The following TTC7B variants were observed in gnomAD, a reference collection of about 807,000 sequenced individuals.
TTC7B encodes the protein tetratricopeptide repeat domain 7B, also known as tetratricopeptide repeat protein 7B.
A neutral mutation model predicts 106.8 loss-of-function variants in TTC7B; 28 were observed. That is an observed-to-expected ratio of 0.26 (90% CI 0.19 to 0.36). TTC7B has a LOEUF of 0.36. TTC7B is among the 10% of genes least tolerant of loss of function. The probability of loss-of-function intolerance (pLI) is 1.00; values close to 1 mark genes in which losing one functional copy is unlikely to be tolerated. For synonymous variants in TTC7B, 405 were observed against 430.6 expected (o/e 0.94, Z 0.74); for missense variants, 862 against 1,076.4 (o/e 0.80, Z 2.79).
chr14:90,685,139 T>C (rs917324798), intron 7 of TTC7B, among the ~76,000 whole-genome samples: 14 of 152,208 alleles, frequency 9.2e-5, no homozygotes, highest in African/African-American at 2.9e-4. Context: ...TACAACCAAC[T>C]CTTCTGAATG....
Position 90,624,806 on chromosome 14 carries a change from G to A in TTC7B, c.1752-6761C>T, listed in dbSNP as rs1884364887. 6.6e-6 allele frequency among the ~76,000 whole-genome samples: 1 copy of A among 152,222 alleles called. No individual in the cohort carries two copies. Among genetic ancestry groups the A allele is most frequent in the East Asian group, 1.9e-4 (1 of 5,194 alleles). On this transcript the variant is annotated intron_variant, in intron 15 of 19. Coordinates refer to ENST00000328459, the MANE Select transcript of TTC7B (RefSeq NM_001010854.2). The surrounding 1 kb of genome is among the most constrained non-coding windows in gnomAD (Gnocchi z 4.0). ...CTGCAGTCTTAGTAACTGCTTTAGA[G>A]GTAACATCACGGGAACCTTGAACAT... is the stretch of plus-strand genomic sequence containing the variant.
chr14:90,564,629 T>C (rs1407858417), intron 19 of TTC7B, among the ~76,000 whole-genome samples: 2 of 152,200 alleles, frequency 1.3e-5, no homozygotes, highest in African/African-American at 4.8e-5. Flanking sequence ...ACTGCTGGGC[T>C]GGGCACAGTG....
chr14:90,631,107 T>G (rs1208774341), intron 15 of TTC7B, among the ~76,000 whole-genome samples: 2 of 152,266 alleles, frequency 1.3e-5, no homozygotes, highest in Non-Finnish European at 2.9e-5. Context: ...GTGTTGGGAT[T>G]ACAGGCGTGA....
intron 15 of TTC7B, among the ~76,000 whole-genome samples, chr14:90,633,935 C>T (rs1396170929): frequency 1.3e-5 from 2 of 151,404 alleles, no homozygotes; most frequent in East Asian, 1.9e-4. Context: ...AGTGCAGTGG[C>T]GCGGTCTCAG....
At position 90,537,031 on chromosome 14, in the gene TTC7B, G is replaced by A. The variant is rs1478068766; in HGVS notation, c.*4337C>T. On this transcript the variant is annotated 3_prime_UTR_variant, in exon 20 of 20. Transcript: ENST00000328459. ...GAGGTGGCCACGAGCCAAGGCCGCA[G>A]GAAGCCTCTAGCCGCTGGAGAAGAC... 6.6e-6 allele frequency: 1 copy of A among 152,246 alleles called. No individual in the cohort carries two copies. The highest frequency in any genetic ancestry group is 2.4e-5 in the African/African-American group (1 of 41,458). 9.4% of individuals were successfully genotyped at this position (152,246 alleles called of 1,614,324 possible).
chr14:90,776,117 C>A (rs1431339479), intron 3 of TTC7B, among the ~76,000 whole-genome samples: 1 of 148,320 alleles, frequency 6.7e-6, no homozygotes, highest in Non-Finnish European at 1.5e-5. Flanking sequence ...CAGGCATGAG[C>A]AGGGCAGGAG....
Position 90,804,997 on chromosome 14 carries a change from G to A in TTC7B, c.121+11178C>T, listed in dbSNP as rs557404759. 3.3e-5 allele frequency among the ~76,000 whole-genome samples: 5 copies of A among 152,268 alleles called. No homozygotes were observed. The South Asian group carries it at 6.2e-4, about 19-fold the overall frequency. ...AGGGAGGGAAGGTCATGGGCATTCC[G>A]TCAGCCCCGCCAGCAAGCCAGGACT... On this transcript the variant is annotated intron_variant, in intron 1 of 19. Coordinates refer to ENST00000328459, the MANE Select transcript of TTC7B (RefSeq NM_001010854.2).
At chr14:90,677,921 C>A (rs1331412116) in intron 8 of TTC7B, 3 of 417,612 alleles carry the variant, frequency 7.2e-6, no homozygotes, top group Non-Finnish European at 1.4e-5. Flanking sequence ...AACAAGCCTG[C>A]TTTTGAAGAT....
intron 15 of TTC7B, among the ~76,000 whole-genome samples, chr14:90,618,246 C>G (rs868339682): frequency 6.6e-6 from 1 of 152,218 alleles, no homozygotes; most frequent in South Asian, 2.1e-4. Context: ...ACCACTAACG[C>G]AAATGCAAGC....
In TTC7B at chr14:90,536,619, G is replaced by C. The variant is rs2139755440; in HGVS notation, c.*4749C>G. 2 of 152,646 alleles carry C rather than the reference G, an allele frequency of 1.3e-5. No homozygotes were observed. The highest frequency in any genetic ancestry group is 1.3e-4 in the Admixed American group (2 of 15,302). The allele number at this position is 152,646 out of a possible 1,614,324, so 9.5% of individuals were successfully genotyped here. A position where few individuals can be genotyped will look rare whatever the true frequency, so the allele number is the denominator to read the frequency against. ...CTCCCTCACACCCAGCTCCATGTGT[G>C]AGCAACCCTCTTGGCTCTGTCTTCA... is the stretch of plus-strand genomic sequence containing the variant. On this transcript the variant is annotated 3_prime_UTR_variant, in exon 20 of 20. Transcript: ENST00000328459.
At chr14:90,815,598 C>A (rs2031125816) in intron 1 of TTC7B, among the ~76,000 whole-genome samples, 2 of 152,088 alleles carry the variant, frequency 1.3e-5, no homozygotes, top group South Asian at 4.1e-4. Flanking sequence ...TCTCCGAACG[C>A]CAGGACGCAC....
chr14:90,688,761 T>G (rs1211949902), intron 7 of TTC7B, among the ~76,000 whole-genome samples: 1 of 151,668 alleles, frequency 6.6e-6, no homozygotes, highest in Non-Finnish European at 1.5e-5. Flanking sequence ...ATTGCGCCAC[T>G]GCACTCCAGC....
At chr14:90,630,288 C>T (rs1389443978) in intron 15 of TTC7B, among the ~76,000 whole-genome samples, 1 of 152,108 alleles carries the variant, frequency 6.6e-6, no homozygotes, top group Non-Finnish European at 1.5e-5. Flanking sequence ...AGAGGACATC[C>T]ATGCGCGTGG....
At chr14:90,717,077 C>T (rs944395080) in intron 5 of TTC7B, among the ~76,000 whole-genome samples, 30 of 152,302 alleles carry the variant, frequency 2.0e-4, no homozygotes, top group Middle Eastern at 6.8e-3. Flanking sequence ...TGGTGACTCA[C>T]GCCTGTAATC....
intron 9 of TTC7B, among the ~76,000 whole-genome samples, chr14:90,670,898 C>G (rs1886606364): frequency 6.6e-6 from 1 of 152,134 alleles, no homozygotes; most frequent in Non-Finnish European, 1.5e-5. Flanking sequence ...TTGGGCCTGC[C>G]TGGGGAAGAT....
chr14:90,805,556 G>A lies in TTC7B; in HGVS notation c.121+10619C>T, dbSNP rs1268519352. Among the ~76,000 whole-genome samples the A allele has an allele frequency of 1.3e-5, 2 of 152,188 alleles. No individual in the cohort carries two copies. The highest frequency in any genetic ancestry group is 2.4e-5 in the African/African-American group (1 of 41,438). ...GCTGGGATTGCAGGCATGAGCCACCGCGCCCGGCCTAAACCTCACCTCTAT... is the reference window on the plus strand; with the variant it reads ...GCTGGGATTGCAGGCATGAGCCACCACGCCCGGCCTAAACCTCACCTCTAT... On this transcript the variant is annotated intron_variant, in intron 1 of 19. Transcript: ENST00000328459. This position sits in a 1 kb window ranked among gnomAD's most constrained non-coding sequence, Gnocchi z 4.0.
At chr14:90,544,760 G>GAGCTCGT (rs1169942122) in intron 19 of TTC7B, among the ~76,000 whole-genome samples, 1 of 152,124 alleles carries the variant, frequency 6.6e-6, no homozygotes, top group African/African-American at 2.4e-5. Context: ...ATTATGGCAG[G>GAGCTCGT]AGCTCGTCAC....
chr14:90,737,635 C>A (rs1258238356), intron 4 of TTC7B, among the ~76,000 whole-genome samples: 1 of 147,778 alleles, frequency 6.8e-6, no homozygotes, highest in Admixed American at 6.9e-5. Flanking sequence ...CTCACTGCAA[C>A]CTCCACCTGC....
At chr14:90,616,354 A>C (rs1317627367) in intron 16 of TTC7B, among the ~76,000 whole-genome samples, 4 of 152,228 alleles carry the variant, frequency 2.6e-5, no homozygotes, top group Non-Finnish European at 5.9e-5. Context: ...GAAATGTAGA[A>C]TTTTAAAAAA....
Sources: allele counts gnomAD v4.1 joint callset (sites outside exome capture counted in the v4.1 genomes callset), GRCh38; gene constraint gnomAD v4.1.1; non-coding constraint Gnocchi (gnomAD v3.1); transcripts MANE v1.5; gene names NCBI Gene and HGNC (gene_info 2026-07-23, HGNC 2026-07-21).